ASPSCR1: variants seen among roughly 807,000 people sequenced by gnomAD.
ASPSCR1 encodes tether containing UBX domain for GLUT4.
A neutral mutation model predicts 68.9 loss-of-function variants in ASPSCR1; 55 were observed. The ratio of observed to expected loss-of-function variants is 0.80; its 90% CI spans 0.64 to 1.00. The LOEUF is 1.00. ASPSCR1 is among the 50% of genes least tolerant of loss of function. The probability of loss-of-function intolerance (pLI) is 0.00; values close to 1 mark genes in which losing one functional copy is unlikely to be tolerated. For synonymous variants in ASPSCR1, 352 were observed against 332.6 expected, an observed-to-expected ratio of 1.06 and a Z score of -0.63; for missense variants, 765 against 762.2, an observed-to-expected ratio of 1.00 and a Z score of -0.04.
chr17:81,980,963 G>A (rs907108053), intron 2 of ASPSCR1, among the ~76,000 whole-genome samples: 2 of 152,126 alleles, frequency 1.3e-5, no homozygotes, highest in African/African-American at 4.8e-5. Context: ...CCAGGAATTC[G>A]AGATCAGCCT....
chr17:81,993,221 T>C (rs116994706), intron 4 of ASPSCR1, among the ~76,000 whole-genome samples: 2,556 of 152,082 alleles, frequency 0.017, 29 homozygotes, highest in Middle Eastern at 0.048. Flanking sequence ...TGTTTTGTTT[T>C]GTTTGTGTTT....
At chr17:81,996,264 G>A (rs2042333734) in intron 6 of ASPSCR1, among the ~76,000 whole-genome samples, 156 bp from the exon 7 acceptor site, 1 of 152,090 alleles carries the variant, frequency 6.6e-6, no homozygotes, top group African/African-American at 2.4e-5. Flanking sequence ...CCCCCAGAGG[G>A]GCGGTGGATC....
In ASPSCR1 at chr17:81,990,592, A is replaced by G. The variant is rs1322000534; in HGVS notation, c.375-4229A>G. Among the ~76,000 whole-genome samples, 1 of 151,836 alleles carries G rather than the reference A, an allele frequency of 6.6e-6. No homozygotes were observed. Among genetic ancestry groups the G allele is most frequent in the Non-Finnish European group, 1.5e-5 (1 of 67,996 alleles). ...TCTTCCACGCCGAGCTCTGGGGGACACTGCTCTCTGCCTGCCTGGTGGGCC... is the reference window on the plus strand; with the variant it reads ...TCTTCCACGCCGAGCTCTGGGGGACGCTGCTCTCTGCCTGCCTGGTGGGCC... On this transcript the variant is annotated intron_variant, in intron 4 of 15. Transcript: ENST00000306739. This position sits in a 1 kb window ranked among gnomAD's most constrained non-coding sequence, Gnocchi z 4.1.
intron 12 of ASPSCR1, chr17:82,015,342 G>A (rs760477399): frequency 5.6e-6 from 9 of 1,597,852 alleles, no homozygotes; most frequent in Middle Eastern, 1.6e-4. Flanking sequence ...GCACAAGCAC[G>A]TGGGGACAGG....
At position 82,016,468 on chromosome 17, in the gene ASPSCR1, C is replaced by T; in HGVS notation, c.1354-8C>T. 6.5e-7 allele frequency: 1 copy of T among 1,547,970 alleles called. No individual in the cohort carries two copies. Among genetic ancestry groups the T allele is most frequent in the Non-Finnish European group, 8.7e-7 (1 of 1,146,836 alleles). ...ACCCGGCCCCTGAGCCCCCCGCCCT[C>T]CCTGCAGGCGAACCTCTTCCCGGCC... On this transcript the variant is annotated splice_polypyrimidine_tract_variant and splice_region_variant and intron_variant, in intron 12 of 15. Transcript: ENST00000306739.
Position 82,010,856 on chromosome 17 carries a change from C to G in ASPSCR1, c.1225C>G (p.Pro409Ala). ...CTACGTCCTACAGGGCTTCTTCCGC[C>G]CCAGCGAGACAGGTGGGCAGCGCTG... ...DRYVLQGFFR[P>A]SETVGDLRDF... is the part of the protein sequence containing the mutation. Residue 409 changes from proline to alanine, a missense_variant, in exon 10 of 16, where the codon CCC (proline) becomes GCC (alanine). Transcript: ENST00000306739. 6.2e-7 allele frequency: 1 copy of G among 1,612,708 alleles called. No individual in the cohort carries two copies.
At chr17:81,985,470 C>G in intron 3 of ASPSCR1, 37 bp from the exon 4 acceptor site, 1 of 1,593,000 alleles carries the variant, frequency 6.3e-7, no homozygotes, top group South Asian at 1.1e-5. Flanking sequence ...AGTTGCTTTT[C>G]TTCCTAAGGA....
intron 7 of ASPSCR1, among the ~76,000 whole-genome samples, chr17:82,002,554 CTATTTT>C (rs570660016): frequency 2.3e-4 from 34 of 151,108 alleles, no homozygotes; most frequent in African/African-American, 6.6e-4. Context: ...TGTGCCCAGC[CTATTTT>C]TATTTTTATT....
intron 7 of ASPSCR1, among the ~76,000 whole-genome samples, chr17:82,002,003 C>CT (rs71166183): frequency 0.014 from 1,273 of 93,842 alleles, 39 homozygotes; most frequent in South Asian, 0.029. Flanking sequence ...TTTCTTTTTC[C>CT]TTTTTTTTTT....
Position 82,009,153 on chromosome 17 carries a change from C to G in ASPSCR1, c.1050C>G (p.Asp350Glu). ...ATGAGTTCTTTGAGCTGACGGTGGA[C>G]GACGTGAGAAGACGCTTGGCCCAGC... ...LPDEFFELTV[D>E]DVRRRLAQLK... Residue 350 changes from aspartate (D) to glutamate (E), a missense_variant, in exon 8 of 16, where the codon GAC (aspartate) becomes GAG (glutamate). Physicochemically the swap from Asp to Glu is conservative, Grantham distance 45. Transcript: ENST00000306739. 4 of 1,610,684 alleles carry G rather than the reference C, an allele frequency of 2.5e-6. No homozygotes were observed. Among genetic ancestry groups the G allele is most frequent in the Non-Finnish European group, 3.4e-6 (4 of 1,178,886 alleles).
intron 2 of ASPSCR1, among the ~76,000 whole-genome samples, chr17:81,979,829 G>A (rs549778387): frequency 6.6e-6 from 1 of 152,312 alleles, no homozygotes; most frequent in South Asian, 2.1e-4. Context: ...GTACGCTTCT[G>A]TGTGGGGATA....
At position 82,010,784 on chromosome 17, in the gene ASPSCR1, T is replaced by G. The variant is rs747481008; in HGVS notation, c.1171-18T>G. 3.1e-6 allele frequency: 5 copies of G among 1,612,198 alleles called. No homozygotes were observed. The South Asian group carries it at 5.5e-5, about 18-fold the overall frequency. On this transcript the variant is annotated intron_variant, in intron 9 of 15. Coordinates refer to ENST00000306739, the MANE Select transcript of ASPSCR1 (RefSeq NM_024083.4). ...CAGCTCCGGCCGTCCCTCCAACCCT[T>G]CCACTTGTCTGGCCTAGGTGGCTCT...
chr17:82,016,621 C>A lies in ASPSCR1; in HGVS notation c.1405+94C>A. ...CCCGGGAGGGCGTTCGGTCTGGGGCCTCCTTTGGGTCTGAGAGGGAGATCT... is the reference window on the plus strand; with the variant it reads ...CCCGGGAGGGCGTTCGGTCTGGGGCATCCTTTGGGTCTGAGAGGGAGATCT... On this transcript the variant is annotated intron_variant, in intron 13 of 15. Coordinates refer to ENST00000306739, the MANE Select transcript of ASPSCR1 (RefSeq NM_024083.4). 3 of 1,511,398 alleles carry A rather than the reference C, an allele frequency of 2.0e-6. No individual in the cohort carries two copies. The African/African-American group carries it at 4.1e-5, about 21-fold the overall frequency. 93.6% of individuals were successfully genotyped at this position (1,511,398 alleles called of 1,614,324 possible). A position where few individuals can be genotyped will look rare whatever the true frequency, so the allele number is the denominator to read the frequency against.
At chr17:82,003,975 C>T (rs895696844) in intron 7 of ASPSCR1, among the ~76,000 whole-genome samples, 12 of 152,334 alleles carry the variant, frequency 7.9e-5, no homozygotes, top group African/African-American at 2.9e-4. Context: ...CAGGCCGGGC[C>T]GAGACGGTGG....
At position 81,996,048 on chromosome 17, in the gene ASPSCR1, G is replaced by A. The variant is rs137876848; in HGVS notation, c.489G>A (p.Gly163=). The A allele has an allele frequency of 1.2e-5, 19 of 1,609,320 alleles. No individual in the cohort carries two copies. Among genetic ancestry groups the A allele is most frequent in the Non-Finnish European group, 1.6e-5 (19 of 1,178,794 alleles). ...GTTLQSLGLT[G]GSATIRFVMK... ...CGCTGCAGTCGCTGGGCCTGACCGG[G>A]GGCAGCGCCACCATCAGGTAAGGGC... Residue 163 remains glycine (G), a synonymous_variant, in exon 6 of 16, where the codon GGG becomes GGA. Coordinates refer to ENST00000306739, the MANE Select transcript of ASPSCR1 (RefSeq NM_024083.4).
chr17:81,977,835 T>A lies in ASPSCR1; in HGVS notation c.102+87T>A. 9.7e-7 allele frequency: 1 copy of A among 1,035,298 alleles called. No individual in the cohort carries two copies. Among genetic ancestry groups the A allele is most frequent in the African/African-American group, 1.7e-5 (1 of 58,948 alleles). The allele number at this position is 1,035,298 out of a possible 1,614,324, so 64.1% of individuals were successfully genotyped here. A position where few individuals can be genotyped will look rare whatever the true frequency, so the allele number is the denominator to read the frequency against. On this transcript the variant is annotated intron_variant, in intron 1 of 15. Transcript: ENST00000306739. The surrounding 1 kb of genome is among the most constrained non-coding windows in gnomAD (Gnocchi z 5.0). ...CCCATTGCGGTCGGCGTCCCGGTGT[T>A]CGGGGGCGGGGCCTCGGCGGCCAAT... is the stretch of plus-strand genomic sequence containing the variant.
chr17:81,985,459 T>C (rs2041965410), intron 3 of ASPSCR1, 48 bp from the exon 4 acceptor site: 6 of 1,564,546 alleles, frequency 3.8e-6, no homozygotes, highest in Admixed American at 1.7e-5. Context: ...TTAGAAGGAA[T>C]AGTTGCTTTT....
At chr17:82,012,341 G>A (rs914955091) in intron 12 of ASPSCR1, 58 bp downstream of exon 12, 46 of 1,555,246 alleles carry the variant, frequency 3.0e-5, no homozygotes, top group Non-Finnish European at 3.8e-5. Context: ...AGGGCAGGAC[G>A]AGAGCGTGAG....
Position 81,977,735 on chromosome 17 carries a change from C to T in ASPSCR1, c.89C>T (p.Thr30Ile). The T allele has an allele frequency of 7.8e-7, 1 of 1,277,716 alleles. No individual in the cohort carries two copies. The highest frequency in any genetic ancestry group is 3.2e-5 in the East Asian group (1 of 31,036). 79.1% of individuals were successfully genotyped at this position (1,277,716 alleles called of 1,614,324 possible). A position where few individuals can be genotyped will look rare whatever the true frequency, so the allele number is the denominator to read the frequency against. ...RRHTVKVTPS[T>I]VLLQVLEDTC... Reference sequence around the variant, plus strand: ...CACACGGTGAAGGTGACGCCGAGCACCGTGCTGCTTCAGGTGCGGCCGCCC... The same window carrying T: ...CACACGGTGAAGGTGACGCCGAGCATCGTGCTGCTTCAGGTGCGGCCGCCC... The change falls in exon 1 of 16, where the codon ACC (threonine) becomes ATC (isoleucine). Residue 30 changes from threonine to isoleucine, a missense_variant. Coordinates refer to ENST00000306739, the MANE Select transcript of ASPSCR1 (RefSeq NM_024083.4). This position sits in a 1 kb window ranked among gnomAD's most constrained non-coding sequence, Gnocchi z 5.0.
Sources: allele counts gnomAD v4.1 joint callset (sites outside exome capture counted in the v4.1 genomes callset), GRCh38; gene constraint gnomAD v4.1.1; non-coding constraint Gnocchi (gnomAD v3.1); transcripts MANE v1.5; gene names NCBI Gene and HGNC (gene_info 2026-07-23, HGNC 2026-07-21).